Variants in PAPPA2 observed in about 807,000 individuals in gnomAD.
PAPPA2 encodes the protein pappalysin 2.
PAPPA2 carries 86 observed loss-of-function variants against 176.4 expected under a neutral mutation model. The ratio of observed to expected loss-of-function variants is 0.49; its 90% CI spans 0.41 to 0.58. The LOEUF is 0.58. Among genes scored for constraint, PAPPA2 ranks in the 20% least tolerant of loss-of-function variants. The pLI is 0.00. For synonymous variants in PAPPA2, 809 were observed against 852.2 expected (o/e 0.95, Z 0.88); for missense variants, 2,073 against 2,256.9 (o/e 0.92, Z 1.65).
At chr1:176,720,516 A>G (rs569764782) in intron 12 of PAPPA2, among the ~76,000 whole-genome samples, 136 of 152,152 alleles carry the variant, frequency 8.9e-4, no homozygotes, top group Non-Finnish European at 1.6e-3. Context: ...TTTGTTCTAT[A>G]TGCTCTTTAT....
intron 1 of PAPPA2, among the ~76,000 whole-genome samples, chr1:176,476,101 A>G (rs1464987269): frequency 2.0e-5 from 3 of 152,202 alleles, no homozygotes; most frequent in Non-Finnish European, 4.4e-5. Flanking sequence ...TGCCCCTGAT[A>G]TCTTTTCTGG....
intron 3 of PAPPA2, among the ~76,000 whole-genome samples, chr1:176,623,560 TTCCTTCCTTCCTTCCC>T (rs1203442095): frequency 0.053 from 4,878 of 92,828 alleles, 298 homozygotes; most frequent in South Asian, 0.078. Context: ...CATTTTCCCC[TTCCTTCCTTCCTTCCC>T]TCCTTCCTTC....
chr1:176,491,285 A>G lies in PAPPA2; in HGVS notation c.-917+27867A>G, dbSNP rs143408093. Among the ~76,000 whole-genome samples, 679 of 152,344 alleles carry G rather than the reference A, an allele frequency of 4.5e-3. 7 individuals are homozygous for G. Among genetic ancestry groups the G allele is most frequent in the Middle Eastern group, 0.017 (5 of 294 alleles). The stretch of plus-strand genomic sequence containing the variant: ...TGATATATTCTGATGTATGTCATGC[A>G]CTATCTGTGTGGATTAGATGCTATA... On this transcript the variant is annotated intron_variant, in intron 1 of 22. Transcript: ENST00000367662.
chr1:176,578,451 G>A (rs1363635792), intron 2 of PAPPA2, among the ~76,000 whole-genome samples: 2 of 152,156 alleles, frequency 1.3e-5, no homozygotes. Flanking sequence ...CCTTTTCTGA[G>A]TCAAGACTCT....
chr1:176,479,996 G>C (rs563725749), intron 1 of PAPPA2, among the ~76,000 whole-genome samples: 4 of 152,200 alleles, frequency 2.6e-5, no homozygotes, highest in Non-Finnish European at 5.9e-5. Context: ...GAGGATAAGA[G>C]CCCCTTTCCC....
intron 4 of PAPPA2, among the ~76,000 whole-genome samples, chr1:176,687,905 T>C (rs760715960): frequency 2.6e-5 from 4 of 152,180 alleles, no homozygotes; most frequent in Non-Finnish European, 4.4e-5. Flanking sequence ...TTCGGGGCCT[T>C]TAATACAACA....
intron 2 of PAPPA2, among the ~76,000 whole-genome samples, chr1:176,587,626 GTTCTAC>G (rs1246442988): frequency 1.3e-5 from 2 of 152,298 alleles, no homozygotes; most frequent in African/African-American, 4.8e-5. Context: ...TGAGGTCTCT[GTTCTAC>G]TCCATTGGTC....
chr1:176,690,759 G>A, intron 5 of PAPPA2: 2 of 1,117,206 alleles, frequency 1.8e-6, no homozygotes, highest in Non-Finnish European at 2.2e-6. Context: ...TCTTATTTTT[G>A]CCCGCATTCT....
chr1:176,678,588 A>C (rs1237491926), intron 4 of PAPPA2, among the ~76,000 whole-genome samples: 1 of 151,942 alleles, frequency 6.6e-6, no homozygotes, highest in African/African-American at 2.4e-5. Flanking sequence ...TTCCTTTACT[A>C]TCTGTTTCTG....
At chr1:176,666,553 A>C (rs2102766381) in intron 3 of PAPPA2, among the ~76,000 whole-genome samples, 1 of 142,026 alleles carries the variant, frequency 7.0e-6, no homozygotes, top group South Asian at 2.4e-4. Flanking sequence ...GTAAGGAAGT[A>C]AATATATATG....
chr1:176,619,078 A>G (rs1179757446), intron 3 of PAPPA2, among the ~76,000 whole-genome samples: 2 of 152,174 alleles, frequency 1.3e-5, no homozygotes, highest in African/African-American at 4.8e-5. Flanking sequence ...AACTGGTATC[A>G]CCCAGGTAAA....
chr1:176,716,615 T>G (rs1571219891), intron 12 of PAPPA2, among the ~76,000 whole-genome samples: 1 of 143,210 alleles, frequency 7.0e-6, no homozygotes, highest in East Asian at 2.0e-4. Flanking sequence ...TTTTTTTTTT[T>G]TTTTTTTGTT....
intron 2 of PAPPA2, among the ~76,000 whole-genome samples, chr1:176,573,146 T>A (rs946364996): frequency 2.0e-5 from 3 of 152,138 alleles, no homozygotes; most frequent in African/African-American, 7.2e-5. Context: ...GTCACTAAGC[T>A]ATCTTATCAA....
At chr1:176,820,154 AC>A (rs1440552584) in intron 21 of PAPPA2, among the ~76,000 whole-genome samples, 1 of 152,166 alleles carries the variant, frequency 6.6e-6, no homozygotes, top group Non-Finnish European at 1.5e-5. Flanking sequence ...ACAAAAAAAA[AC>A]AACACGCACC....
chr1:176,747,509 T>C (rs567085792), intron 14 of PAPPA2, among the ~76,000 whole-genome samples: 1 of 151,686 alleles, frequency 6.6e-6, no homozygotes, highest in African/African-American at 2.4e-5. Flanking sequence ...ACCAAAAAAA[T>C]AAAAAAATAA....
chr1:176,567,749 G>C (rs912463835), intron 2 of PAPPA2, among the ~76,000 whole-genome samples: 1 of 152,224 alleles, frequency 6.6e-6, no homozygotes, highest in African/African-American at 2.4e-5. Context: ...TGGCTACTGA[G>C]AGTAACTGGT....
chr1:176,658,714 C>T (rs1488653073), intron 3 of PAPPA2, among the ~76,000 whole-genome samples: 1 of 151,954 alleles, frequency 6.6e-6, no homozygotes, highest in Non-Finnish European at 1.5e-5. Flanking sequence ...TGAGTAAATC[C>T]ACTAATTCAA....
intron 1 of PAPPA2, among the ~76,000 whole-genome samples, chr1:176,525,152 CTTATAT>C (rs1464317217): frequency 1.3e-5 from 2 of 152,254 alleles, no homozygotes; most frequent in Non-Finnish European, 2.9e-5. Context: ...CTATCTCTTA[CTTATAT>C]TTATATTCCT....
At chr1:176,747,589 A>G (rs917714722) in intron 14 of PAPPA2, among the ~76,000 whole-genome samples, 3 of 152,234 alleles carry the variant, frequency 2.0e-5, no homozygotes, top group Admixed American at 6.5e-5. Context: ...ATTAAAGTGC[A>G]TCTAACCCAG....
Sources: allele counts gnomAD v4.1 joint callset (sites outside exome capture counted in the v4.1 genomes callset), GRCh38; gene constraint gnomAD v4.1.1; transcripts MANE v1.5; gene names NCBI Gene and HGNC (gene_info 2026-07-23, HGNC 2026-07-21).